The following POMZP3 variants were observed in gnomAD, a reference collection of about 807,000 sequenced individuals.
POMZP3 encodes the protein POM121 and ZP3 fusion.
POMZP3 carries 10 observed loss-of-function variants against 19.8 expected under a neutral mutation model. That is an observed-to-expected ratio of 0.51 (90% CI 0.31 to 0.86). The LOEUF is 0.86. POMZP3 is among the 40% of genes least tolerant of loss of function. POMZP3 has a pLI of 0.04. For synonymous variants in POMZP3, 57 were observed against 85.8 expected, an observed-to-expected ratio of 0.66 and a Z score of 1.85; for missense variants, 152 against 228.1, an observed-to-expected ratio of 0.67 and a Z score of 2.15.
At chr7:76,624,854 C>T (rs1202417832) in intron 3 of POMZP3, among the ~76,000 whole-genome samples, 4 of 151,146 alleles carry the variant, frequency 2.6e-5, no homozygotes, top group South Asian at 2.1e-4. Context: ...ACTGGTGGGC[C>T]GGGCGCCGTG....
chr7:76,611,421 A>T, intron 6 of POMZP3, 33 bp downstream of exon 6: 1 of 1,528,058 alleles, frequency 6.5e-7, no homozygotes, highest in Non-Finnish European at 8.8e-7. Context: ...AGTAAGGGAC[A>T]ATGAACAGCC....
chr7:76,618,952 C>A (rs2690680), intron 3 of POMZP3, among the ~76,000 whole-genome samples: 5 of 152,026 alleles, frequency 3.3e-5, no homozygotes, highest in African/African-American at 1.2e-4. Flanking sequence ...CATGTCAGGC[C>A]GATTTTTGTA....
At chr7:76,620,860 C>CTTTTTTTTTTTT (rs752303123) in intron 3 of POMZP3, among the ~76,000 whole-genome samples, 2 of 100,262 alleles carry the variant, frequency 2.0e-5, no homozygotes, top group Non-Finnish European at 1.9e-5. Flanking sequence ...GCTGTAAAGC[C>CTTTTTTTTTTTT]ATTTTTTTTT....
At chr7:76,626,621 T>C in intron 1 of POMZP3, 87 bp downstream of exon 1, 1 of 1,256,766 alleles carries the variant, frequency 8.0e-7, no homozygotes, top group East Asian at 2.9e-5. Flanking sequence ...CCCTTCGGAT[T>C]TGATGAAAAA....
rs1392177528 is a variant in POMZP3 at position 76,626,000 on chromosome 7, A to G, written c.65T>C (p.Ile22Thr). ...PPDRRFSRSA[I>T]PEQIISSTLS... The stretch of plus-strand genomic sequence containing the variant: ...GTATTCTTCCAACGATAATACTCAC[A>G]TCGCAGAACGCGAAAATCTTCTGTC... The change falls in exon 2 of 7, where the codon ATA becomes ACA. Residue 22 changes from isoleucine (I) to threonine (T), a missense_variant and splice_region_variant. By Grantham distance (89) the Ile-to-Thr change is moderately conservative. Around this residue, in one of 4 missense-constraint regions of POMZP3, gnomAD observed 70 missense variants for 64.1 expected, o/e 1.09. Coordinates refer to ENST00000310842, the MANE Select transcript of POMZP3 (RefSeq NM_012230.5). 1 of 1,613,760 alleles carries G rather than the reference A, an allele frequency of 6.2e-7. No homozygotes were observed. Among genetic ancestry groups the G allele is most frequent in the African/African-American group, 1.3e-5 (1 of 74,934 alleles).
At chr7:76,617,761 C>A (rs1343900646) in intron 4 of POMZP3, among the ~76,000 whole-genome samples, 1 of 92,632 alleles carries the variant, frequency 1.1e-5, no homozygotes, top group African/African-American at 6.0e-5. Flanking sequence ...CTGCTCACTG[C>A]AACCTCTGCC....
At position 76,624,814 on chromosome 7, in the gene POMZP3, C is replaced by T. The variant is rs541533498; in HGVS notation, c.227+708G>A. ...CTAGTTTTCATTTTTCTTTCCCAAG[C>T]ATTTCCTTCAGCACAATTAAGACAC... On this transcript the variant is annotated intron_variant, in intron 3 of 6. Coordinates refer to ENST00000310842, the MANE Select transcript of POMZP3 (RefSeq NM_012230.5). Among the ~76,000 whole-genome samples the T allele has an allele frequency of 8.2e-5, 12 of 146,040 alleles. 1 individual carries two copies. Among genetic ancestry groups the T allele is most frequent in the African/African-American group, 2.5e-4 (9 of 36,606 alleles).
At chr7:76,611,934 C>A in intron 4 of POMZP3, 121 bp from the exon 5 acceptor site, 2 of 1,527,122 alleles carry the variant, frequency 1.3e-6, no homozygotes, top group Admixed American at 2.0e-5. Flanking sequence ...TGCGATGGCA[C>A]ACACCTATAA....
chr7:76,622,973 G>A lies in POMZP3; in HGVS notation c.227+2549C>T, dbSNP rs182425684. Among the ~76,000 whole-genome samples, 533 of 151,800 alleles carry A rather than the reference G, an allele frequency of 3.5e-3. 4 individuals carry two copies. The highest frequency in any genetic ancestry group is 4.9e-3 in the Non-Finnish European group (331 of 67,962). ...TGCAGCCTCCAACTCCTGGGCTCAA[G>A]TGATCCTCCCACCTCAGCCTCTGGA... On this transcript the variant is annotated intron_variant, in intron 3 of 6. Coordinates refer to ENST00000310842, the MANE Select transcript of POMZP3 (RefSeq NM_012230.5).
In POMZP3 at chr7:76,614,171, T is replaced by C. The variant is rs552917960; in HGVS notation, c.346-2358A>G. Among the ~76,000 whole-genome samples the C allele has an allele frequency of 2.7e-4, 26 of 95,556 alleles. 10 individuals are homozygous for C. The highest frequency in any genetic ancestry group is 5.1e-4 in the Admixed American group (5 of 9,790). The allele number at this position is 95,556 out of a possible 152,430, so 62.7% of individuals were successfully genotyped here. On this transcript the variant is annotated intron_variant, in intron 4 of 6. Coordinates refer to ENST00000310842, the MANE Select transcript of POMZP3 (RefSeq NM_012230.5). ...ATTCCACAAAGGAAATGTACTTTCA[T>C]CCTTAGCTTCTTCCTAGTATGTTTT... is the stretch of plus-strand genomic sequence containing the variant.
In POMZP3 at chr7:76,625,653, G is replaced by C. The variant is rs146013013; in HGVS notation, c.96C>G (p.Ser32=). The C allele has an allele frequency of 1.1e-4, 184 of 1,613,744 alleles. No individual in the cohort carries two copies. Among genetic ancestry groups the C allele is most frequent in the East Asian group, 6.5e-4 (29 of 44,850 alleles). ...GGTCTGGGGCATTACTTGATGGTGAGGACAGTGTTGAGCTGATTATCTGCT... is the reference window on the plus strand; with the variant it reads ...GGTCTGGGGCATTACTTGATGGTGACGACAGTGTTGAGCTGATTATCTGCT... The part of the protein sequence containing the change: ...IPEQIISSTL[S]SPSSNAPDPC... The change falls in exon 3 of 7, where the codon TCC becomes TCG. Residue 32 remains serine (S), a synonymous_variant. Transcript: ENST00000310842.
chr7:76,619,871 T>G, intron 3 of POMZP3, among the ~76,000 whole-genome samples: 2 of 84,624 alleles, frequency 2.4e-5, no homozygotes, highest in South Asian at 4.7e-4. Flanking sequence ...ATAAAAAAAT[T>G]AGCTGGGTGT....
rs201579748 is a variant in POMZP3 at position 76,626,070 on chromosome 7, A to G, written c.-6T>C. On this transcript the variant is annotated 5_prime_UTR_variant, in exon 2 of 7. Coordinates refer to ENST00000310842, the MANE Select transcript of POMZP3 (RefSeq NM_012230.5). ...GTCACTGGGCTACACACCATCCTGG[A>G]GTTGCGAGGGGACAGCACAGCCTTC... 5.3e-4 allele frequency: 852 copies of G among 1,613,690 alleles called. 4 individuals are homozygous for G. The highest frequency in any genetic ancestry group is 6.6e-4 in the Non-Finnish European group (784 of 1,179,748).
chr7:76,611,705 G>C lies in POMZP3; in HGVS notation c.437+17C>G. The C allele has an allele frequency of 1.4e-6, 2 of 1,462,178 alleles. No homozygotes were observed. The allele number at this position is 1,462,178 out of a possible 1,614,324, so 90.6% of individuals were successfully genotyped here. ...CCGATTCAGTTTCTACTCCAGTCAC[G>C]GAGCACCTGTCCTCACCTGTTGGAA... On this transcript the variant is annotated intron_variant, in intron 5 of 6. Coordinates refer to ENST00000310842, the MANE Select transcript of POMZP3 (RefSeq NM_012230.5).
intron 3 of POMZP3, among the ~76,000 whole-genome samples, chr7:76,619,402 AT>A (rs1273875699): frequency 6.6e-6 from 1 of 151,266 alleles, no homozygotes; most frequent in East Asian, 2.0e-4. Context: ...ATAAAATAAA[AT>A]AAAATAAAAT....
chr7:76,625,124 C>T (rs2527934), intron 3 of POMZP3, among the ~76,000 whole-genome samples: 1 of 109,434 alleles, frequency 9.1e-6, no homozygotes, highest in East Asian at 2.8e-4. Context: ...CAGAGACAGA[C>T]TCCAACTCAA....
chr7:76,623,917 G>A (rs1815712334), intron 3 of POMZP3, among the ~76,000 whole-genome samples: 1 of 149,184 alleles, frequency 6.7e-6, no homozygotes, highest in Non-Finnish European at 1.5e-5. Flanking sequence ...TAAGTTGGGG[G>A]TTATTTAAAG....
At position 76,623,097 on chromosome 7, in the gene POMZP3, C is replaced by A. The variant is rs574155058; in HGVS notation, c.227+2425G>T. ...ATGTTGGCCAGGCTGGTCTCTAACT[C>A]TTGGGCTCAAGAGATCCCTCCACCT... On this transcript the variant is annotated intron_variant, in intron 3 of 6. Transcript: ENST00000310842. 9.2e-5 allele frequency among the ~76,000 whole-genome samples: 14 copies of A among 151,882 alleles called. No individual in the cohort carries two copies. In the South Asian group the frequency reaches 2.7e-3, roughly 29 times the overall value.
intron 3 of POMZP3, among the ~76,000 whole-genome samples, chr7:76,619,360 C>T (rs1322492735): frequency 2.0e-5 from 3 of 151,628 alleles, no homozygotes; most frequent in Admixed American, 6.6e-5. Context: ...TGCACTCCAG[C>T]CTGGGCAACA....
Sources: gnomAD v4.1 joint callset for allele counts (sites outside exome capture counted in the v4.1 genomes callset) on GRCh38, gnomAD v4.1.1 for gene constraint, gnomAD v4.1.1 regional missense constraint, MANE v1.5 for transcripts, NCBI Gene and HGNC (gene_info 2026-07-23, HGNC 2026-07-21) for gene names.